The following ENKD1 variants were observed in gnomAD, a reference collection of about 807,000 sequenced individuals.
ENKD1 encodes the protein enkurin domain-containing protein 1.
A neutral mutation model predicts 35.8 loss-of-function variants in ENKD1; 39 were observed. The ratio of observed to expected loss-of-function variants is 1.09; its 90% CI spans 0.84 to 1.42. ENKD1 has a LOEUF of 1.42. Among genes scored for constraint, ENKD1 ranks in the 40% most tolerant of loss-of-function variants. ENKD1 has a pLI of 0.00. For synonymous variants in ENKD1, 205 were observed against 198.6 expected (o/e 1.03, Z -0.27); for missense variants, 474 against 471.3 (o/e 1.01, Z -0.05).
rs1471394962 is a variant in ENKD1, at chr16:67,663,655, A to G, written c.743+2T>C. On this transcript the variant is annotated splice_donor_variant, in intron 5 of 6. Coordinates refer to ENST00000243878, the MANE Select transcript of ENKD1 (RefSeq NM_032140.3). LOFTEE classifies it high-confidence loss of function. ...CCCTGAGTGTCGGGCAGTGAGACCT[A>G]CTAATGTGGCACATGGCCCTTCTGC... 5 of 1,610,320 alleles carry G rather than the reference A, an allele frequency of 3.1e-6. 1 individual carries two copies. The Admixed American group carries it at 5.0e-5, about 16-fold the overall frequency.
chr16:67,663,131 G>A lies in ENKD1; in HGVS notation c.*30C>T. 6.2e-7 allele frequency: 1 copy of A among 1,612,748 alleles called. No individual in the cohort carries two copies. The highest frequency in any genetic ancestry group is 8.5e-7 in the Non-Finnish European group (1 of 1,179,446). On this transcript the variant is annotated 3_prime_UTR_variant, in exon 7 of 7. Coordinates refer to ENST00000243878, the MANE Select transcript of ENKD1 (RefSeq NM_032140.3). ...CAGCCATGTGGCGATCCTCAGCATG[G>A]AGCTCCTTGCCACTGTCCCCCAAAG... is the stretch of plus-strand genomic sequence containing the variant.
Position 67,663,764 on chromosome 16 carries a change from G to A in ENKD1, c.636C>T (p.Ala212=), listed in dbSNP as rs771789935. The part of the protein sequence containing the change: ...IRHNARAAKR[A]PRRHSCSLQV... ...GCAGTGAGCAGGAATGCCTCCGGGG[G>A]GCTCTCTTGGCAGCTCGTGCATTGT... Residue 212 remains alanine, a synonymous_variant, in exon 5 of 7, where the codon GCC becomes GCT. Coordinates refer to ENST00000243878, the MANE Select transcript of ENKD1 (RefSeq NM_032140.3). 4.3e-6 allele frequency: 7 copies of A among 1,610,782 alleles called. No homozygotes were observed. In the South Asian group the frequency reaches 5.5e-5, roughly 13 times the overall value.
intron 2 of ENKD1, among the ~76,000 whole-genome samples, chr16:67,665,395 A>G (rs1156914224): frequency 1.3e-5 from 2 of 151,966 alleles, no homozygotes; most frequent in Non-Finnish European, 2.9e-5. Context: ...TTATTATTTG[A>G]GACAGGGTCT....
At position 67,665,161 on chromosome 16, in the gene ENKD1, G is replaced by T. The variant is rs771850407; in HGVS notation, c.288C>A (p.Asp96Glu). ...LGPGASLKRK[D>E]PKDHEKENLR... ...GGTTCTCCTTCTCATGGTCCTTAGG[G>T]TCCTTCCCTGGAGAAAAGATGCCCC... Residue 96 changes from aspartate to glutamate, a missense_variant, in exon 3 of 7, where the codon GAC (aspartate) becomes GAA (glutamate). Coordinates refer to ENST00000243878, the MANE Select transcript of ENKD1 (RefSeq NM_032140.3). The T allele has an allele frequency of 1.9e-6, 3 of 1,610,882 alleles. No homozygotes were observed. Among genetic ancestry groups the T allele is most frequent in the South Asian group, 2.2e-5 (2 of 90,766 alleles).
chr16:67,663,099 T>C lies in ENKD1; in HGVS notation c.*62A>G. 1.3e-6 allele frequency: 2 copies of C among 1,594,992 alleles called. No homozygotes were observed. The highest frequency in any genetic ancestry group is 1.7e-6 in the Non-Finnish European group (2 of 1,169,742). ...TGCTCTGGGATTGGGTCCAACCCTG[T>C]CCTTTGCAGCCATGTGGCGATCCTC... On this transcript the variant is annotated 3_prime_UTR_variant, in exon 7 of 7. Transcript: ENST00000243878.
At position 67,666,136 on chromosome 16, in the gene ENKD1, C is replaced by T. The variant is rs1241559567; in HGVS notation, c.215G>A (p.Arg72His). The T allele has an allele frequency of 1.9e-6, 3 of 1,612,826 alleles. No individual in the cohort carries two copies. The highest frequency in any genetic ancestry group is 3.3e-5 in the Admixed American group (2 of 60,026). Residue 72 changes from arginine (R) to histidine (H), a missense_variant, in exon 2 of 7, where the codon CGC (arginine) becomes CAC (histidine). By Grantham distance (29) the Arg-to-His change is conservative. Coordinates refer to ENST00000243878, the MANE Select transcript of ENKD1 (RefSeq NM_032140.3). The stretch of plus-strand genomic sequence containing the variant: ...TTGCAACAGCACGTCCCCGACGCCG[C>T]GCTGGCCGCGCTCCAGGATCTCTCC... Reference protein sequence around the residue: ...GAGEILERGQRGVGDVLLQLE... With the variant: ...GAGEILERGQHGVGDVLLQLE...
At chr16:67,665,524 C>T (rs1408978087) in intron 2 of ENKD1, among the ~76,000 whole-genome samples, 1 of 152,044 alleles carries the variant, frequency 6.6e-6, no homozygotes, top group East Asian at 1.9e-4. Context: ...ACCATGCCAG[C>T]CTGATTTTTG....
rs1233447645 is a variant in ENKD1 at position 67,663,212 on chromosome 16, C to T, written c.990G>A (p.Glu330=). Residue 330 remains glutamate (E), a synonymous_variant, in exon 7 of 7, where the codon GAG becomes GAA. Transcript: ENST00000243878. ...TGGGCCGAGAAAAGATCTTGATGGC[C>T]TCCTCTACCTGCACCAGCTTCCGGT... ...ELDRKLVQVE[E]AIKIFSRPKV... The T allele has an allele frequency of 1.9e-6, 3 of 1,613,938 alleles. No individual in the cohort carries two copies. In the African/African-American group the frequency reaches 4.0e-5, roughly 22 times the overall value.
Position 67,665,041 on chromosome 16 carries a change from T to C in ENKD1, c.408A>G (p.Ser136=). ...QPRPLKALWR[S]PKYDKVESRV... is the part of the protein sequence containing the mutation. ...GGGACTCCACCTTGTCGTACTTGGG[T>C]GAGCGCCACAGAGCTTTCAGGGGCC... The change falls in exon 3 of 7, where the codon TCA becomes TCG. Residue 136 remains serine (S), a synonymous_variant. Coordinates refer to ENST00000243878, the MANE Select transcript of ENKD1 (RefSeq NM_032140.3). 2 of 1,613,084 alleles carry C rather than the reference T, an allele frequency of 1.2e-6. No individual in the cohort carries two copies. Among genetic ancestry groups the C allele is most frequent in the Non-Finnish European group, 1.7e-6 (2 of 1,179,650 alleles).
At position 67,663,066 on chromosome 16, in the gene ENKD1, CA is replaced by C; in HGVS notation, c.*94del. 1 of 1,487,584 alleles carries C rather than the reference CA, an allele frequency of 6.7e-7. No individual in the cohort carries two copies. Among genetic ancestry groups the C allele is most frequent in the Admixed American group, 2.0e-5 (1 of 50,760 alleles). 92.1% of individuals were successfully genotyped at this position (1,487,584 alleles called of 1,614,324 possible). A position where few individuals can be genotyped will look rare whatever the true frequency, so the allele number is the denominator to read the frequency against. ...CTGGCCACCCCCCTGCTCCTGTCTTCAGACCTCTGCTCTGGGATTGGGTCCA... is the reference window on the plus strand; with the variant it reads ...CTGGCCACCCCCCTGCTCCTGTCTTCGACCTCTGCTCTGGGATTGGGTCCA... On this transcript the variant is annotated 3_prime_UTR_variant, in exon 7 of 7. Transcript: ENST00000243878.
chr16:67,663,565 A>G lies in ENKD1; in HGVS notation c.744-9T>C, dbSNP rs1333223999. ...CCCTGCGCTCCAACAAGCTGTGGGTACACAGGCTCAGAGTTGATGACCCGA... is the reference window on the plus strand; with the variant it reads ...CCCTGCGCTCCAACAAGCTGTGGGTGCACAGGCTCAGAGTTGATGACCCGA... On this transcript the variant is annotated splice_polypyrimidine_tract_variant and intron_variant, in intron 5 of 6. Coordinates refer to ENST00000243878, the MANE Select transcript of ENKD1 (RefSeq NM_032140.3). The G allele has an allele frequency of 6.2e-7, 1 of 1,610,550 alleles. No homozygotes were observed. The highest frequency in any genetic ancestry group is 1.7e-5 in the Admixed American group (1 of 59,860).
intron 3 of ENKD1, 60 bp downstream of exon 3, chr16:67,664,936 G>T: frequency 6.5e-7 from 1 of 1,537,260 alleles, no homozygotes; most frequent in African/African-American, 1.4e-5. Context: ...CTCAGATCAG[G>T]GTACAGTTGC....
At chr16:67,664,403 C>T (rs1391464063) in intron 3 of ENKD1, 1 of 405,580 alleles carries the variant, frequency 2.5e-6, no homozygotes, top group Non-Finnish European at 4.7e-6. Context: ...TCGTTGTCCT[C>T]AACCTGATCG....
chr16:67,663,367 G>C (rs1224562003), intron 6 of ENKD1, 46 bp from the exon 7 acceptor site: 2 of 1,611,764 alleles, frequency 1.2e-6, no homozygotes, highest in Admixed American at 1.7e-5. Context: ...GTTGGGCAGG[G>C]GTGCCCGGTC....
Position 67,666,521 on chromosome 16 carries a change from C to A in ENKD1, c.-79G>T, listed in dbSNP as rs902352979. 1.9e-5 allele frequency: 24 copies of A among 1,291,892 alleles called. No individual in the cohort carries two copies. In the East Asian group the frequency reaches 6.5e-4, roughly 35 times the overall value. 80.0% of individuals were successfully genotyped at this position (1,291,892 alleles called of 1,614,324 possible). A position where few individuals can be genotyped will look rare whatever the true frequency, so the allele number is the denominator to read the frequency against. On this transcript the variant is annotated 5_prime_UTR_variant, in exon 1 of 7. Transcript: ENST00000243878. ...CCCTCCCCGGGCCCCCTTCCCCAAC[C>A]CCGGGCCCCCTCCCTCGCCCGGCAC...
Position 67,666,488 on chromosome 16 carries a change from G to C in ENKD1, c.-46C>G, listed in dbSNP as rs377151468. 4.4e-5 allele frequency: 61 copies of C among 1,399,194 alleles called. No homozygotes were observed. The highest frequency in any genetic ancestry group is 3.9e-4 in the African/African-American group (26 of 65,990). The allele number at this position is 1,399,194 out of a possible 1,614,324, so 86.7% of individuals were successfully genotyped here. A position where few individuals can be genotyped will look rare whatever the true frequency, so the allele number is the denominator to read the frequency against. On this transcript the variant is annotated 5_prime_UTR_variant, in exon 1 of 7. Coordinates refer to ENST00000243878, the MANE Select transcript of ENKD1 (RefSeq NM_032140.3). Reference sequence around the variant, plus strand: ...ACGGTGCCCCGAGGCCTGCAGGGCTGTTTACCTCCCTCCCCGGGCCCCCTT... The same window carrying C: ...ACGGTGCCCCGAGGCCTGCAGGGCTCTTTACCTCCCTCCCCGGGCCCCCTT...
chr16:67,663,476 C>T lies in ENKD1; in HGVS notation c.824G>A (p.Gly275Asp). The T allele has an allele frequency of 6.2e-7, 1 of 1,613,204 alleles. No individual in the cohort carries two copies. Among genetic ancestry groups the T allele is most frequent in the Non-Finnish European group, 8.5e-7 (1 of 1,179,918 alleles). Residue 275 changes from glycine to aspartate, a missense_variant, in exon 6 of 7, where the codon GGC (glycine) becomes GAC (aspartate). Gly to Asp is a moderately conservative substitution (Grantham distance 94). Coordinates refer to ENST00000243878, the MANE Select transcript of ENKD1 (RefSeq NM_032140.3). Reference protein sequence around the residue: ...QSQPDPAMPPGHTRMPENQRL... With the variant: ...QSQPDPAMPPDHTRMPENQRL... ...CTGGTTCTCAGGCATGCGCGTGTGG[C>T]CTGGGGGCATGGCAGGGTCCGGCTG...
At position 67,663,204 on chromosome 16, in the gene ENKD1, T is replaced by G. The variant is rs772586530; in HGVS notation, c.998A>C (p.Lys333Thr). ...RKLVQVEEAI[K>T]IFSRPKVFVK... is the part of the protein sequence containing the mutation. ...GAAGACTTTGGGCCGAGAAAAGATC[T>G]TGATGGCCTCCTCTACCTGCACCAG... is the stretch of plus-strand genomic sequence containing the variant. The change falls in exon 7 of 7, where the codon AAG (lysine) becomes ACG (threonine). Residue 333 changes from lysine (K) to threonine (T), a missense_variant. Coordinates refer to ENST00000243878, the MANE Select transcript of ENKD1 (RefSeq NM_032140.3). The G allele has an allele frequency of 1.1e-5, 18 of 1,613,942 alleles. No individual in the cohort carries two copies. Among genetic ancestry groups the G allele is most frequent in the Middle Eastern group, 1.6e-4 (1 of 6,084 alleles).
In ENKD1 at chr16:67,663,821, C is replaced by A; in HGVS notation, c.580-1G>T. On this transcript the variant is annotated splice_acceptor_variant, in intron 4 of 6. Transcript: ENST00000243878. LOFTEE classifies it high-confidence loss of function. Reference sequence around the variant, plus strand: ...TGAAGTCCACCCCCAGGCCTGGCTCCTGCAGGACACAGCAAGCGTGGGTGG... The same window carrying A: ...TGAAGTCCACCCCCAGGCCTGGCTCATGCAGGACACAGCAAGCGTGGGTGG... 1.9e-6 allele frequency: 3 copies of A among 1,605,478 alleles called. No individual in the cohort carries two copies. Among genetic ancestry groups the A allele is most frequent in the Non-Finnish European group, 2.6e-6 (3 of 1,175,724 alleles).
Sources: gnomAD v4.1 joint callset for allele counts (sites outside exome capture counted in the v4.1 genomes callset) on GRCh38, gnomAD v4.1.1 for gene constraint, MANE v1.5 for transcripts, NCBI Gene and HGNC (gene_info 2026-07-23, HGNC 2026-07-21) for gene names.